B3GALT1: variants seen among roughly 807,000 people sequenced by gnomAD.
The protein encoded by B3GALT1 is UDP-Gal:betaGlcNAc beta 1,3-galactosyltransferase, polypeptide 1.
A neutral mutation model predicts 23.2 loss-of-function variants in B3GALT1; 10 were observed. The ratio of observed to expected loss-of-function variants is 0.43; its 90% CI spans 0.27 to 0.73. B3GALT1 has a LOEUF of 0.73. B3GALT1 is among the 30% of genes least tolerant of loss of function. The pLI, the probability that B3GALT1 is intolerant of heterozygous loss-of-function variation, is 0.21. For synonymous variants in B3GALT1, 156 were observed against 141.5 expected (o/e 1.10, Z -0.73); for missense variants, 299 against 405.4 (o/e 0.74, Z 2.25).
chr2:167,624,616 C>CT (rs1248326548), intron 2 of B3GALT1, among the ~76,000 whole-genome samples: 1 of 152,062 alleles, frequency 6.6e-6, no homozygotes, highest in South Asian at 2.1e-4. Context: ...TTACTACAGT[C>CT]TAACTCCCAA....
chr2:167,556,456 T>TA lies in B3GALT1; in HGVS notation c.-410+66184dup, dbSNP rs61500880. 6.2e-3 allele frequency among the ~76,000 whole-genome samples: 945 copies of TA among 152,252 alleles called. 10 individuals are homozygous for TA. The highest frequency in any genetic ancestry group is 0.022 in the African/African-American group (918 of 41,560). On this transcript the variant is annotated intron_variant, in intron 2 of 4. Transcript: ENST00000392690. ...TTGGCAAGCATGCAAGCTAAAGTAT[T>TA]AAAAATGGACTATAAGGACACCATG...
chr2:167,614,813 T>C (rs968795847), intron 2 of B3GALT1, among the ~76,000 whole-genome samples: 2 of 151,912 alleles, frequency 1.3e-5, no homozygotes, highest in Non-Finnish European at 2.9e-5. Context: ...GGATAAAATA[T>C]TCAGTAAATC....
At chr2:167,513,068 CAAAAAAAAAAA>C (rs544667836) in intron 2 of B3GALT1, among the ~76,000 whole-genome samples, 3,284 of 72,568 alleles carry the variant, frequency 0.045, 68 homozygotes, top group African/African-American at 0.073. Flanking sequence ...ATTCATGCCA[CAAAAAAAAAAA>C]AAAAAAAAAA....
intron 2 of B3GALT1, among the ~76,000 whole-genome samples, chr2:167,618,227 T>C (rs1685194254): frequency 6.6e-6 from 1 of 152,088 alleles, no homozygotes; most frequent in African/African-American, 2.4e-5. Context: ...TACAATAATT[T>C]CTCTAATACA....
chr2:167,353,331 G>C (rs1274166675), intron 1 of B3GALT1, among the ~76,000 whole-genome samples: 2 of 152,128 alleles, frequency 1.3e-5, no homozygotes, highest in Non-Finnish European at 2.9e-5. Flanking sequence ...CAAGAGGAGA[G>C]TCAATAATTT....
chr2:167,823,275 G>T (rs900632354), intron 4 of B3GALT1, among the ~76,000 whole-genome samples: 1 of 152,208 alleles, frequency 6.6e-6, no homozygotes, highest in Non-Finnish European at 1.5e-5. Flanking sequence ...ACAGCTGCTG[G>T]TGTGGACCTA....
At chr2:167,507,081 A>T (rs565546706) in intron 2 of B3GALT1, among the ~76,000 whole-genome samples, 1 of 152,340 alleles carries the variant, frequency 6.6e-6, no homozygotes, top group Non-Finnish European at 1.5e-5. Flanking sequence ...GACATAAAAA[A>T]GAATAATAGA....
chr2:167,331,949 A>G (rs973932795), intron 1 of B3GALT1, among the ~76,000 whole-genome samples: 1 of 152,152 alleles, frequency 6.6e-6, no homozygotes, highest in Non-Finnish European at 1.5e-5. Context: ...GCCTCTGAGC[A>G]TGCGCAGCTG....
At chr2:167,773,814 G>A (rs909899902) in intron 3 of B3GALT1, among the ~76,000 whole-genome samples, 1 of 152,224 alleles carries the variant, frequency 6.6e-6, no homozygotes, top group African/African-American at 2.4e-5. Flanking sequence ...GTAAAACAAA[G>A]TGGGAGCAAC....
chr2:167,455,845 A>G (rs1699161846), intron 1 of B3GALT1, among the ~76,000 whole-genome samples: 1 of 152,142 alleles, frequency 6.6e-6, no homozygotes, highest in South Asian at 2.1e-4. Flanking sequence ...GAATCACTCT[A>G]AATGCTGTAC....
At chr2:167,505,870 C>T (rs1559116520) in intron 2 of B3GALT1, among the ~76,000 whole-genome samples, 1 of 151,820 alleles carries the variant, frequency 6.6e-6, no homozygotes, top group Non-Finnish European at 1.5e-5. Flanking sequence ...GACCAGCCTG[C>T]CCAACCTGGT....
intron 3 of B3GALT1, among the ~76,000 whole-genome samples, chr2:167,667,964 C>T (rs1428041204): frequency 3.3e-5 from 5 of 152,180 alleles, no homozygotes; most frequent in African/African-American, 4.8e-5. Context: ...AGTCATTCTC[C>T]GTCCAGCTTT....
chr2:167,529,759 A>G (rs1683289942), intron 2 of B3GALT1, among the ~76,000 whole-genome samples: 1 of 151,762 alleles, frequency 6.6e-6, no homozygotes, highest in African/African-American at 2.4e-5. Flanking sequence ...TCGAGAGCTT[A>G]ACCACTTCTC....
intron 2 of B3GALT1, among the ~76,000 whole-genome samples, chr2:167,603,836 A>G (rs983482232): frequency 4.0e-5 from 6 of 151,878 alleles, no homozygotes; most frequent in Admixed American, 1.3e-4. Context: ...AGAAACACAT[A>G]GCTAAGGAGT....
Position 167,867,093 on chromosome 2 carries a change from A to AT in B3GALT1, c.-229-1712dup, listed in dbSNP as rs754665993. ...AGGCACCCGCCACTACGCCTGGCTAATTTTTTGTATTTTTAGTAGAGACGG... is the reference window on the plus strand; with the variant it reads ...AGGCACCCGCCACTACGCCTGGCTAATTTTTTTGTATTTTTAGTAGAGACGG... On this transcript the variant is annotated intron_variant, in intron 4 of 4. Transcript: ENST00000392690. 1.2e-4 allele frequency among the ~76,000 whole-genome samples: 19 copies of AT among 152,026 alleles called. 1 individual carries two copies. Among genetic ancestry groups the AT allele is most frequent in the South Asian group, 4.1e-4 (2 of 4,824 alleles).
At chr2:167,648,821 G>A (rs911581209) in intron 3 of B3GALT1, among the ~76,000 whole-genome samples, 1 of 152,012 alleles carries the variant, frequency 6.6e-6, no homozygotes, top group African/African-American at 2.4e-5. Context: ...CCATTAGATT[G>A]ACTACTACTG....
intron 3 of B3GALT1, among the ~76,000 whole-genome samples, chr2:167,744,653 A>G (rs76947957): frequency 0.19 from 28,605 of 151,676 alleles, 2,802 homozygotes; most frequent in South Asian, 0.21. Flanking sequence ...GTGCAGTGGC[A>G]TGATCACGGC....
chr2:167,834,989 AC>A (rs1180134901), intron 4 of B3GALT1, among the ~76,000 whole-genome samples: 1 of 152,202 alleles, frequency 6.6e-6, no homozygotes, highest in Non-Finnish European at 1.5e-5. Flanking sequence ...GAAAATGACA[AC>A]TTGATAGATA....
At chr2:167,411,841 T>A (rs1698396885) in intron 1 of B3GALT1, among the ~76,000 whole-genome samples, 1 of 151,994 alleles carries the variant, frequency 6.6e-6, no homozygotes, top group Non-Finnish European at 1.5e-5. Context: ...ATAAAGAAAA[T>A]GTATATATAC....
Sources: gnomAD v4.1 joint callset for allele counts (sites outside exome capture counted in the v4.1 genomes callset) on GRCh38, gnomAD v4.1.1 for gene constraint, MANE v1.5 for transcripts, NCBI Gene and HGNC (gene_info 2026-07-23, HGNC 2026-07-21) for gene names.